Variants in IKBIP observed in about 807,000 individuals in gnomAD.
The protein encoded by IKBIP is IKBKB interacting protein.
A neutral mutation model predicts 31.0 loss-of-function variants in IKBIP; 28 were observed. That is an observed-to-expected ratio of 0.90 (90% CI 0.67 to 1.24). The LOEUF (loss-of-function observed/expected upper bound fraction) is 1.24. Ranked by LOEUF, IKBIP falls within the 50% of genes most tolerant of loss-of-function variation. The probability of loss-of-function intolerance (pLI) is 0.00; values close to 1 mark genes in which losing one functional copy is unlikely to be tolerated. For synonymous variants in IKBIP, 164 were observed against 160.3 expected (o/e 1.02, Z -0.17); for missense variants, 453 against 441.9 (o/e 1.03, Z -0.23).
intron 1 of IKBIP, among the ~76,000 whole-genome samples, chr12:98,636,622 G>A (rs546774843): frequency 6.6e-6 from 1 of 152,190 alleles, no homozygotes; most frequent in African/African-American, 2.4e-5. Context: ...TCTATTATAC[G>A]GGATCCCAGG....
At chr12:98,614,799 TA>T (rs1439160463) in intron 2 of IKBIP, among the ~76,000 whole-genome samples, 1 of 152,132 alleles carries the variant, frequency 6.6e-6, no homozygotes, top group Non-Finnish European at 1.5e-5. Context: ...ACTTCAGAAG[TA>T]AGAGAATTTA....
chr12:98,614,413 A>ATAT, intron 2 of IKBIP: 1 of 829,684 alleles, frequency 1.2e-6, no homozygotes. Context: ...CTTAAATTTT[A>ATAT]TATTTCTTTT....
chr12:98,630,090 AAG>A (rs1239283197), intron 2 of IKBIP, among the ~76,000 whole-genome samples: 3 of 152,048 alleles, frequency 2.0e-5, no homozygotes, highest in Non-Finnish European at 4.4e-5. Context: ...TTCTTAAAGA[AAG>A]AGCTAGTAGG....
In IKBIP at chr12:98,624,550, T is replaced by G. The variant is rs926363102; in HGVS notation, c.*1380A>C. 1 of 982,698 alleles carries G rather than the reference T, an allele frequency of 1.0e-6. No individual in the cohort carries two copies. The highest frequency in any genetic ancestry group is 1.1e-4 in the East Asian group (1 of 8,820). The allele number at this position is 982,698 out of a possible 1,614,324, so 60.9% of individuals were successfully genotyped here. A position where few individuals can be genotyped will look rare whatever the true frequency, so the allele number is the denominator to read the frequency against. ...TGTAACTGACTGCTTTCAAGTTCTT[T>G]GTGTTTAATTCCATCAAAAACTGCA... On this transcript the variant is annotated 3_prime_UTR_variant, in exon 3 of 3. Transcript: ENST00000299157.
chr12:98,632,665 A>T, intron 2 of IKBIP, among the ~76,000 whole-genome samples: 1 of 127,000 alleles, frequency 7.9e-6, no homozygotes, highest in African/African-American at 3.0e-5. Context: ...TCTGTTGCCC[A>T]GGCTGGAGTG....
intron 1 of IKBIP, among the ~76,000 whole-genome samples, chr12:98,643,817 C>CTTTTTTTTTTTTTTTCCTTTTCT (rs1555212507): frequency 2.5e-4 from 34 of 136,930 alleles, no homozygotes; most frequent in African/African-American, 8.7e-4. Flanking sequence ...ATATGGTTTT[C>CTTTTTTTTTTTTTTTCCTTTTCT]TTTTTTTTTT....
At chr12:98,631,807 A>G (rs1383556703) in intron 2 of IKBIP, among the ~76,000 whole-genome samples, 1 of 151,722 alleles carries the variant, frequency 6.6e-6, no homozygotes, top group East Asian at 2.0e-4. Context: ...AAAAAAGAAA[A>G]AAAAAAAGGA....
Position 98,634,366 on chromosome 12 carries a change from T to C in IKBIP, c.227A>G (p.Tyr76Cys). ...ATTGGTTTCTAGTTTCAGTAACTGG[T>C]ATTGGTTTTCCACCTTTGCAAATTT... ...SEKFAKVENQ[Y>C]QLLKLETNEF... Residue 76 changes from tyrosine (Y) to cysteine (C), a missense_variant, in exon 2 of 3, where the codon TAC becomes TGC. Coordinates refer to ENST00000299157, the MANE Select transcript of IKBIP (RefSeq NM_153687.4). 6.2e-7 allele frequency: 1 copy of C among 1,607,568 alleles called. No homozygotes were observed. The highest frequency in any genetic ancestry group is 1.1e-5 in the South Asian group (1 of 90,472).
chr12:98,614,134 A>G, exon 3 of IKBIP: 1 of 1,613,672 alleles, frequency 6.2e-7, no homozygotes, highest in Non-Finnish European at 8.5e-7. Context: ...TCTTGAGACC[A>G]ACATCTTTTG....
intron 1 of IKBIP, among the ~76,000 whole-genome samples, chr12:98,636,328 T>G (rs181905255): frequency 4.7e-4 from 71 of 152,312 alleles, no homozygotes; most frequent in Middle Eastern, 6.8e-3. Context: ...GTAATCTAAG[T>G]GCACAGCCAA....
At chr12:98,626,816 AT>A in intron 2 of IKBIP, 50 bp from the exon 3 acceptor site, 1 of 1,430,336 alleles carries the variant, frequency 7.0e-7, no homozygotes. Context: ...TAATTTTCAT[AT>A]TAGAGAAACA....
downstream of IKBIP, among the ~76,000 whole-genome samples, chr12:98,620,289 AT>A (rs912847059): frequency 1.3e-5 from 2 of 151,920 alleles, no homozygotes; most frequent in African/African-American, 4.8e-5. Flanking sequence ...AATGTTAAAC[AT>A]TGCCTGGATC....
At chr12:98,619,982 A>C (rs557017999), downstream of IKBIP, among the ~76,000 whole-genome samples, 32 of 149,004 alleles carry the variant, frequency 2.1e-4, no homozygotes, top group Non-Finnish European at 3.9e-4. Flanking sequence ...GCAGTGGTGC[A>C]ATCTCTGCTC....
At chr12:98,613,452 A>G in exon 3 of IKBIP, 1 of 544,566 alleles carries the variant, frequency 1.8e-6, no homozygotes, top group East Asian at 3.3e-5. Context: ...TTAAAGTTTT[A>G]TTTTTACTGT....
rs2097636562 is a variant in IKBIP, at chr12:98,644,600, G to A, written c.102C>T (p.Ser34=). Residue 34 remains serine (S), a synonymous_variant, in exon 1 of 3, where the codon AGC becomes AGT. Coordinates refer to ENST00000299157, the MANE Select transcript of IKBIP (RefSeq NM_153687.4). ...GGTCTGCCCAGCCCCCGCCTCCGCTGCTCCGGGCCACGGGGGTCTTCCCGC... is the reference window on the plus strand; with the variant it reads ...GGTCTGCCCAGCCCCCGCCTCCGCTACTCCGGGCCACGGGGGTCTTCCCGC... The part of the protein sequence containing the change: ...SEGGKTPVAR[S]SGGGGWADPR... 1 of 1,610,012 alleles carries A rather than the reference G, an allele frequency of 6.2e-7. No individual in the cohort carries two copies. Among genetic ancestry groups the A allele is most frequent in the African/African-American group, 1.3e-5 (1 of 74,702 alleles).
In IKBIP at chr12:98,626,779, C is replaced by T; in HGVS notation, c.298-13G>A. The T allele has an allele frequency of 6.4e-7, 1 of 1,567,810 alleles. No homozygotes were observed. The highest frequency in any genetic ancestry group is 8.6e-7 in the Non-Finnish European group (1 of 1,156,326). Reference sequence around the variant, plus strand: ...CAGTAGACTCAAGCTGCATTTATAACACAAAACAATTCCCAAGGCTACTTA... The same window carrying T: ...CAGTAGACTCAAGCTGCATTTATAATACAAAACAATTCCCAAGGCTACTTA... On this transcript the variant is annotated splice_polypyrimidine_tract_variant and intron_variant, in intron 2 of 2. Coordinates refer to ENST00000299157, the MANE Select transcript of IKBIP (RefSeq NM_153687.4).
In IKBIP at chr12:98,624,807, T is replaced by C; in HGVS notation, c.*1123A>G. 1 of 821,326 alleles carries C rather than the reference T, an allele frequency of 1.2e-6. No homozygotes were observed. Among genetic ancestry groups the C allele is most frequent in the Non-Finnish European group, 1.5e-6 (1 of 680,648 alleles). 50.9% of individuals were successfully genotyped at this position (821,326 alleles called of 1,614,324 possible). ...AACAGGCCACAGGCTTATTTTTATT[T>C]ATTTATTTATTTATTGAGACAGAGT... On this transcript the variant is annotated 3_prime_UTR_variant, in exon 3 of 3. Coordinates refer to ENST00000299157, the MANE Select transcript of IKBIP (RefSeq NM_153687.4).
intron 2 of IKBIP, among the ~76,000 whole-genome samples, chr12:98,627,539 A>C (rs1243210371): frequency 6.6e-6 from 1 of 151,358 alleles, no homozygotes; most frequent in Non-Finnish European, 1.5e-5. Flanking sequence ...CCCAGGTTCA[A>C]GCCATTCTCC....
chr12:98,625,830 A>G lies in IKBIP; in HGVS notation c.*100T>C, dbSNP rs942118963. 24 of 1,001,128 alleles carry G rather than the reference A, an allele frequency of 2.4e-5. No individual in the cohort carries two copies. The highest frequency in any genetic ancestry group is 3.3e-5 in the African/African-American group (2 of 59,950). 62.0% of individuals were successfully genotyped at this position (1,001,128 alleles called of 1,614,324 possible). On this transcript the variant is annotated 3_prime_UTR_variant, in exon 3 of 3. Coordinates refer to ENST00000299157, the MANE Select transcript of IKBIP (RefSeq NM_153687.4). ...GTGTGGACATCTCATTTATTTTCCA[A>G]TAATGTAGGATAAGATGAGGCGTAT...
Sources: allele counts gnomAD v4.1 joint callset (sites outside exome capture counted in the v4.1 genomes callset), GRCh38; gene constraint gnomAD v4.1.1; transcripts MANE v1.5; gene names NCBI Gene and HGNC (gene_info 2026-07-23, HGNC 2026-07-21).